The following ARHGAP22 variants were observed in gnomAD, a reference collection of about 807,000 sequenced individuals.
ARHGAP22 encodes the protein Rho GTPase activating protein 22.
A neutral mutation model predicts 59.1 loss-of-function variants in ARHGAP22; 48 were observed. The ratio of observed to expected loss-of-function variants is 0.81; its 90% CI spans 0.64 to 1.03. The LOEUF is 1.03. ARHGAP22 is among the 50% of genes least tolerant of loss of function. ARHGAP22 has a pLI of 0.00. For synonymous variants in ARHGAP22, 445 were observed against 416.4 expected, an observed-to-expected ratio of 1.07 and a Z score of -0.84; for missense variants, 1,015 against 958.7, an observed-to-expected ratio of 1.06 and a Z score of -0.78.
rs1589133090 is a variant in ARHGAP22 at position 48,604,922 on chromosome 10, A to C, written c.-126T>G. 6.4e-7 allele frequency: 1 copy of C among 1,565,912 alleles called. No homozygotes were observed. The highest frequency in any genetic ancestry group is 8.6e-7 in the Non-Finnish European group (1 of 1,159,540). On this transcript the variant is annotated 5_prime_UTR_variant, in exon 1 of 10. Transcript: ENST00000249601. ...TCGGGGCCCCGTGGCCGCTGGCGTC[A>C]CCCGTCAGGCTCCCTCGGCTACCTC...
intron 3 of ARHGAP22, among the ~76,000 whole-genome samples, chr10:48,519,815 G>T (rs529994173): frequency 6.6e-6 from 1 of 152,176 alleles, no homozygotes; most frequent in African/African-American, 2.4e-5. Flanking sequence ...GGAGGGGGAG[G>T]GGGGAACACA....
chr10:48,489,535 T>C (rs1464164002), intron 3 of ARHGAP22, among the ~76,000 whole-genome samples: 1 of 152,244 alleles, frequency 6.6e-6, no homozygotes, highest in African/African-American at 2.4e-5. Flanking sequence ...TTCTTCTCTG[T>C]AACTTAGGAA....
intron 2 of ARHGAP22, among the ~76,000 whole-genome samples, chr10:48,574,006 T>C (rs2058556317): frequency 6.6e-6 from 1 of 152,260 alleles, no homozygotes; most frequent in African/African-American, 2.4e-5. Flanking sequence ...CAAGTGTTTA[T>C]TGAGCTTCTA....
chr10:48,450,613 T>TGGGTATGCC lies in ARHGAP22; in HGVS notation c.1507_1515dup (p.Gly503_Pro505dup). 1 of 1,548,418 alleles carries TGGGTATGCC rather than the reference T, an allele frequency of 6.5e-7. No individual in the cohort carries two copies. Among genetic ancestry groups the TGGGTATGCC allele is most frequent in the Non-Finnish European group, 8.7e-7 (1 of 1,146,760 alleles). On this transcript the variant is annotated inframe_insertion, in exon 9 of 10. Transcript: ENST00000249601. ...CCGGACCACGCCATACTGGCCACGC[T>TGGGTATGCC]GGGTATGCCGGGGACCAGGCCCGGC... is the stretch of plus-strand genomic sequence containing the variant.
At chr10:48,577,349 A>G (rs952428384) in intron 2 of ARHGAP22, among the ~76,000 whole-genome samples, 7 of 152,142 alleles carry the variant, frequency 4.6e-5, no homozygotes, top group African/African-American at 1.4e-4. Context: ...GGTTCCTCAA[A>G]TGAGAGTGTT....
At chr10:48,454,275 C>T (rs1332034322) in intron 6 of ARHGAP22, 114 bp from the exon 7 acceptor site, 1 of 944,818 alleles carries the variant, frequency 1.1e-6, no homozygotes, top group Non-Finnish European at 1.7e-6. Context: ...CAGCCCAGCC[C>T]CAACAGACCA....
In ARHGAP22 at chr10:48,625,842, C is replaced by A. The variant is rs976900789; in HGVS notation, c.52+26392G>T. Among the ~76,000 whole-genome samples the A allele has an allele frequency of 4.6e-5, 7 of 152,300 alleles. No individual in the cohort carries two copies. The East Asian group carries it at 1.4e-3, about 29-fold the overall frequency. On this transcript the variant is annotated intron_variant, in intron 1 of 9. Coordinates refer to the ARHGAP22 transcript ENST00000435790. ...TTCCAGGGATGATCTCTGCTCCACA[C>A]ATATCCAAACCCAGCCATCCCAGGA...
At chr10:48,535,344 G>C (rs1447083841) in intron 3 of ARHGAP22, among the ~76,000 whole-genome samples, 2 of 152,228 alleles carry the variant, frequency 1.3e-5, no homozygotes, top group African/African-American at 2.4e-5. Flanking sequence ...AAAGGGAAGA[G>C]GGAGTGGGGC....
intron 3 of ARHGAP22, among the ~76,000 whole-genome samples, chr10:48,518,392 G>A (rs938714501): frequency 1.3e-5 from 2 of 152,216 alleles, no homozygotes; most frequent in Non-Finnish European, 2.9e-5. Flanking sequence ...ATTGTGCAAA[G>A]TAATGACACA....
At chr10:48,493,408 A>G (rs1044700794) in intron 3 of ARHGAP22, 4 of 1,528,428 alleles carry the variant, frequency 2.6e-6, no homozygotes, top group Non-Finnish European at 3.5e-6. Flanking sequence ...TGGTCCTCAC[A>G]GCCTGCCAGT....
chr10:48,454,381 G>C (rs1278680210), intron 6 of ARHGAP22, among the ~76,000 whole-genome samples: 1 of 152,138 alleles, frequency 6.6e-6, no homozygotes, highest in African/African-American at 2.4e-5. Flanking sequence ...CTGGTGTGAG[G>C]GGTGAGCCTC....
chr10:48,576,223 A>G (rs2058704287), intron 2 of ARHGAP22, among the ~76,000 whole-genome samples: 1 of 152,164 alleles, frequency 6.6e-6, no homozygotes, highest in Admixed American at 6.5e-5. Context: ...TCCTAGGTTC[A>G]TTCTAAACAC....
intron 3 of ARHGAP22, among the ~76,000 whole-genome samples, chr10:48,524,611 A>C (rs2054162238): frequency 6.6e-6 from 1 of 152,098 alleles, no homozygotes; most frequent in Non-Finnish European, 1.5e-5. Context: ...CCCCACCAGC[A>C]TCCTCTGGGC....
intron 9 of ARHGAP22, among the ~76,000 whole-genome samples, chr10:48,447,968 C>T (rs2045529250): frequency 1.3e-5 from 2 of 152,118 alleles, no homozygotes; most frequent in South Asian, 2.1e-4. Flanking sequence ...GGGCCACACC[C>T]CCCATAGGTC....
intron 3 of ARHGAP22, among the ~76,000 whole-genome samples, chr10:48,491,193 AC>A (rs1478550419): frequency 6.6e-6 from 1 of 150,970 alleles, no homozygotes; most frequent in Non-Finnish European, 1.5e-5. Context: ...AAGGCCCCTC[AC>A]CCCTACTCCT....
Position 48,577,740 on chromosome 10 carries a change from G to A in ARHGAP22, c.234+5213C>T, listed in dbSNP as rs534680964. Reference sequence around the variant, plus strand: ...TCCAGTCTTACAGCTGAGTCGGGGCGGGCAGTCACCTCTTGGCACTGGATT... The same window carrying A: ...TCCAGTCTTACAGCTGAGTCGGGGCAGGCAGTCACCTCTTGGCACTGGATT... On this transcript the variant is annotated intron_variant, in intron 2 of 9. Transcript: ENST00000249601. Among the ~76,000 whole-genome samples, 49 of 148,960 alleles carry A rather than the reference G, an allele frequency of 3.3e-4. No individual in the cohort carries two copies. The South Asian group carries it at 4.4e-3, about 13-fold the overall frequency.
chr10:48,639,003 A>G (rs1193701039), intron 1 of ARHGAP22, among the ~76,000 whole-genome samples: 2 of 152,256 alleles, frequency 1.3e-5, no homozygotes, highest in Non-Finnish European at 2.9e-5. Flanking sequence ...GACATGCAAC[A>G]ATCAGAAAAG....
intron 4 of ARHGAP22, among the ~76,000 whole-genome samples, chr10:48,478,397 A>G (rs987289937): frequency 1.3e-5 from 2 of 152,258 alleles, no homozygotes; most frequent in Admixed American, 1.3e-4. Flanking sequence ...GTGGTCAGGT[A>G]GACCATAGCC....
chr10:48,621,359 T>G (rs903042485), intron 1 of ARHGAP22, among the ~76,000 whole-genome samples: 2 of 152,230 alleles, frequency 1.3e-5, no homozygotes, highest in Non-Finnish European at 2.9e-5. Flanking sequence ...TTCAGATCAT[T>G]TATAATCTTA....
Sources: gnomAD v4.1 joint callset for allele counts (sites outside exome capture counted in the v4.1 genomes callset) on GRCh38, gnomAD v4.1.1 for gene constraint, MANE v1.5 for transcripts, NCBI Gene and HGNC (gene_info 2026-07-23, HGNC 2026-07-21) for gene names.